VTI1B: variants seen among roughly 807,000 people sequenced by gnomAD.
VTI1B encodes vesicle transport through interaction with t-SNAREs 1B.
Under a neutral mutation model 28.6 loss-of-function variants are expected in VTI1B, and 18 were observed. The observed-to-expected ratio is 0.63, with a 90% CI of 0.43 to 0.93. The LOEUF is 0.93. Ranked by LOEUF, VTI1B falls within the 40% of genes least tolerant of loss-of-function variation. VTI1B has a pLI of 0.00. For synonymous variants in VTI1B, 100 were observed against 107.9 expected (o/e 0.93, Z 0.46); for missense variants, 283 against 297.0 (o/e 0.95, Z 0.35).
rs1413854883 is a variant in VTI1B at position 67,662,521 on chromosome 14, A to T, written c.130T>A (p.Leu44Met). The T allele has an allele frequency of 2.5e-6, 4 of 1,611,242 alleles. No individual in the cohort carries two copies. In the African/African-American group the frequency reaches 5.4e-5, roughly 22 times the overall value. Residue 44 changes from leucine to methionine, a missense_variant, in exon 2 of 6, where the codon TTG (leucine) becomes ATG (methionine). Physicochemically the swap from Leu to Met is conservative, Grantham distance 15. Transcript: ENST00000554659. ...GTAGTEEKKK[L>M]IRDFDEKQQE... is the part of the protein sequence containing the mutation. ...TGCTTTTCATCAAAATCCCTGATCAATTTCTTCTTTTCTTCTAGAAAAGAT... is the reference window on the plus strand; with the variant it reads ...TGCTTTTCATCAAAATCCCTGATCATTTTCTTCTTTTCTTCTAGAAAAGAT...
At chr14:67,654,302 G>A (rs1240925023) in intron 4 of VTI1B, among the ~76,000 whole-genome samples, 1 of 44,566 alleles carries the variant, frequency 2.2e-5, no homozygotes, top group African/African-American at 7.9e-5. Flanking sequence ...ATGAGGTCTC[G>A]CTATAGAGAT....
At chr14:67,657,580 C>G (rs2037274852) in intron 3 of VTI1B, among the ~76,000 whole-genome samples, 1 of 148,766 alleles carries the variant, frequency 6.7e-6, no homozygotes, top group African/African-American at 2.5e-5. Context: ...CTTAGCTGTT[C>G]AAAGCACGCG....
chr14:67,653,302 G>A lies in VTI1B; in HGVS notation c.602+135C>T, dbSNP rs1049008041. On this transcript the variant is annotated intron_variant, in intron 5 of 5. Coordinates refer to ENST00000554659, the MANE Select transcript of VTI1B (RefSeq NM_006370.3). The stretch of plus-strand genomic sequence containing the variant: ...TTAGCGTCTTTATTCTGGTCTGCTG[G>A]GTGGTACTGAGTATACAGGGACTAT... 1.1e-5 allele frequency: 7 copies of A among 643,942 alleles called. No homozygotes were observed. The African/African-American group carries it at 1.3e-4, about 12-fold the overall frequency. 39.9% of individuals were successfully genotyped at this position (643,942 alleles called of 1,614,324 possible).
chr14:67,663,030 C>T (rs2037358866), intron 1 of VTI1B: 5 of 1,412,684 alleles, frequency 3.5e-6, no homozygotes, highest in Non-Finnish European at 4.6e-6. Context: ...TCCACCTACT[C>T]GGCTTGCTGA....
In VTI1B at chr14:67,654,576, T is replaced by C. The variant is rs527863742; in HGVS notation, c.541-1078A>G. ...ATTTTCACTGAAGAGGGCAGGGCAT[T>C]ACTCTGACTTAATGGAGAACTGAAG... is the stretch of plus-strand genomic sequence containing the variant. On this transcript the variant is annotated intron_variant, in intron 4 of 5. Transcript: ENST00000554659. Among the ~76,000 whole-genome samples, 3 of 152,316 alleles carry C rather than the reference T, an allele frequency of 2.0e-5. No homozygotes were observed. The South Asian group carries it at 6.2e-4, about 32-fold the overall frequency.
rs1475680849 is a variant in VTI1B at position 67,674,257 on chromosome 14, G to C, written c.115+118C>G. 7.5e-6 allele frequency: 7 copies of C among 929,732 alleles called. No individual in the cohort carries two copies. The Admixed American group carries it at 1.8e-4, about 24-fold the overall frequency. The allele number at this position is 929,732 out of a possible 1,614,324, so 57.6% of individuals were successfully genotyped here. The stretch of plus-strand genomic sequence containing the variant: ...CTGGGACAAGCCAGCCCTAGGGGGC[G>C]TGTCTGAGGACGCGGAGGGAGGAGA... On this transcript the variant is annotated intron_variant, in intron 1 of 5. Coordinates refer to ENST00000554659, the MANE Select transcript of VTI1B (RefSeq NM_006370.3).
At position 67,651,523 on chromosome 14, in the gene VTI1B, T is replaced by A; in HGVS notation, c.603-42A>T. 3 of 1,606,022 alleles carry A rather than the reference T, an allele frequency of 1.9e-6. No individual in the cohort carries two copies. The South Asian group carries it at 3.3e-5, about 18-fold the overall frequency. On this transcript the variant is annotated intron_variant, in intron 5 of 5. Coordinates refer to ENST00000554659, the MANE Select transcript of VTI1B (RefSeq NM_006370.3). ...AGTGGGGAGTAGTCAGAAGTTTGGATAACCTTCCTTCTAAACATTTTGGGG... is the reference window on the plus strand; with the variant it reads ...AGTGGGGAGTAGTCAGAAGTTTGGAAAACCTTCCTTCTAAACATTTTGGGG...
intron 1 of VTI1B, among the ~76,000 whole-genome samples, chr14:67,669,323 G>A (rs1028004213): frequency 1.3e-5 from 2 of 149,144 alleles, no homozygotes; most frequent in Admixed American, 6.7e-5. Flanking sequence ...AGGTTGGAGT[G>A]CAATGATGTG....
chr14:67,647,811 G>A lies in VTI1B; in HGVS notation c.*3574C>T. The A allele has an allele frequency of 1.9e-6, 1 of 522,268 alleles. No homozygotes were observed. The highest frequency in any genetic ancestry group is 3.4e-6 in the Non-Finnish European group (1 of 292,912). 32.4% of individuals were successfully genotyped at this position (522,268 alleles called of 1,614,324 possible). ...CAGAAATATACATTGGAGTTAGTCT[G>A]TCTGAGGTATGCAGAACAAATGGCA... On this transcript the variant is annotated 3_prime_UTR_variant, in exon 6 of 6. Coordinates refer to ENST00000554659, the MANE Select transcript of VTI1B (RefSeq NM_006370.3).
chr14:67,655,354 T>G (rs192419803), intron 4 of VTI1B, among the ~76,000 whole-genome samples: 1 of 152,204 alleles, frequency 6.6e-6, no homozygotes, highest in Admixed American at 6.5e-5. Context: ...CCTATGTAGG[T>G]TAACTCATTT....
In VTI1B at chr14:67,647,753, T is replaced by A. The variant is rs2037119040; in HGVS notation, c.*3632A>T. On this transcript the variant is annotated 3_prime_UTR_variant, in exon 6 of 6. Coordinates refer to ENST00000554659, the MANE Select transcript of VTI1B (RefSeq NM_006370.3). ...GAAGAAATCTCTCTATTGACAGTTATTAGTATAAGAGGTTCTAATACCCAG... is the reference window on the plus strand; with the variant it reads ...GAAGAAATCTCTCTATTGACAGTTAATAGTATAAGAGGTTCTAATACCCAG... The A allele has an allele frequency of 3.6e-6, 1 of 274,194 alleles. No individual in the cohort carries two copies. Among genetic ancestry groups the A allele is most frequent in the Non-Finnish European group, 6.8e-6 (1 of 146,346 alleles). The allele number at this position is 274,194 out of a possible 1,614,324, so 17.0% of individuals were successfully genotyped here.
At chr14:67,655,796 C>G (rs2037247977) in intron 4 of VTI1B, among the ~76,000 whole-genome samples, 1 of 152,174 alleles carries the variant, frequency 6.6e-6, no homozygotes, top group Non-Finnish European at 1.5e-5. Flanking sequence ...GAGAATGCAG[C>G]CACTTTATCC....
chr14:67,661,300 G>GTTT (rs1185912937), intron 2 of VTI1B, among the ~76,000 whole-genome samples: 1 of 86,742 alleles, frequency 1.2e-5, no homozygotes, highest in Non-Finnish European at 2.5e-5. Context: ...AAAAAAAAAA[G>GTTT]TTTTTTTTTT....
chr14:67,655,433 G>C (rs1225090404), intron 4 of VTI1B, among the ~76,000 whole-genome samples: 1 of 152,102 alleles, frequency 6.6e-6, no homozygotes, highest in East Asian at 1.9e-4. Flanking sequence ...AGAGATCCCT[G>C]ATATAGTCAT....
In VTI1B at chr14:67,650,014, A is replaced by C. The variant is rs979361885; in HGVS notation, c.*1371T>G. On this transcript the variant is annotated 3_prime_UTR_variant, in exon 6 of 6. Transcript: ENST00000554659. ...AAGGAACACTACCGAGAACTTTGAC[A>C]CAAGTTCTCAAACCTTAACAGAAGG... 3.9e-5 allele frequency: 6 copies of C among 152,314 alleles called. No homozygotes were observed. The highest frequency in any genetic ancestry group is 1.4e-4 in the African/African-American group (6 of 41,452). 9.4% of individuals were successfully genotyped at this position (152,314 alleles called of 1,614,324 possible).
intron 1 of VTI1B, 114 bp from the exon 2 acceptor site, chr14:67,662,649 T>TA (rs962484371): frequency 1.2e-4 from 116 of 955,778 alleles, no homozygotes; most frequent in Non-Finnish European, 1.7e-4. Flanking sequence ...CTCATGCCTG[T>TA]AATCCCAGCA....
intron 2 of VTI1B, among the ~76,000 whole-genome samples, chr14:67,661,003 T>C (rs1273038306): frequency 1.3e-5 from 2 of 152,134 alleles, no homozygotes; most frequent in African/African-American, 2.4e-5. Context: ...TTAAAACAGA[T>C]GCAAAACAGA....
At chr14:67,671,763 T>A (rs2037467747) in intron 1 of VTI1B, among the ~76,000 whole-genome samples, 1 of 152,144 alleles carries the variant, frequency 6.6e-6, no homozygotes, top group Non-Finnish European at 1.5e-5. Flanking sequence ...TCAAGGGCCT[T>A]CTTGCTACCC....
chr14:67,671,241 T>C (rs1213230056), intron 1 of VTI1B, among the ~76,000 whole-genome samples: 2 of 152,104 alleles, frequency 1.3e-5, no homozygotes, highest in Non-Finnish European at 2.9e-5. Context: ...TAGAGTATTT[T>C]GTGGTTGGGC....
Sources: allele counts gnomAD v4.1 joint callset (sites outside exome capture counted in the v4.1 genomes callset), GRCh38; gene constraint gnomAD v4.1.1; transcripts MANE v1.5; gene names NCBI Gene and HGNC (gene_info 2026-07-23, HGNC 2026-07-21).